KLF8: variants seen among roughly 807,000 people sequenced by gnomAD.
KLF8 encodes KLF transcription factor 8.
KLF8 carries 10 observed loss-of-function variants against 18.2 expected under a neutral mutation model. The observed-to-expected ratio is 0.55, with a 90% CI of 0.34 to 0.93. The LOEUF is 0.93. Among genes scored for constraint, KLF8 ranks in the 40% least tolerant of loss-of-function variants. The probability of loss-of-function intolerance (pLI) is 0.02; values close to 1 mark genes in which losing one functional copy is unlikely to be tolerated. For synonymous variants in KLF8, 109 were observed against 97.3 expected (o/e 1.12, Z -0.71); for missense variants, 264 against 277.9 (o/e 0.95, Z 0.36).
At chrX:56,050,571 T>A in the KLF8 span, among the ~76,000 whole-genome samples, 5 of 112,247 alleles carry the variant, frequency 4.5e-5, no homozygotes, top group East Asian at 2.8e-4. Flanking sequence ...CATGTAGTTG[T>A]GTGGTTTTCA....
chrX:56,247,930 A>C (rs1057295117), intron 1 of KLF8, among the ~76,000 whole-genome samples: 1 of 111,988 alleles, frequency 8.9e-6, no homozygotes, highest in African/African-American at 3.2e-5. Flanking sequence ...TATCATTGTT[A>C]AGTATTACAT....
At chrX:56,028,713 T>G in the KLF8 span, among the ~76,000 whole-genome samples, 39 of 111,473 alleles carry the variant, frequency 3.5e-4, no homozygotes, top group East Asian at 0.011. Context: ...AAGTGTACTG[T>G]GTGGTGACAC....
At chrX:56,087,398 G>C in the KLF8 span, among the ~76,000 whole-genome samples, 3 of 110,183 alleles carry the variant, frequency 2.7e-5, no homozygotes, top group African/African-American at 9.9e-5. Context: ...GTGACTTCTT[G>C]TGACATATGC....
At chrX:56,218,083 A>C in the KLF8 span, among the ~76,000 whole-genome samples, 1 of 111,717 alleles carries the variant, frequency 9.0e-6, no homozygotes, top group Non-Finnish European at 1.9e-5. Flanking sequence ...ACATACCAAC[A>C]GCAGAAAGGA....
chrX:56,091,125 A>G, the KLF8 span, among the ~76,000 whole-genome samples: 1 of 110,977 alleles, frequency 9.0e-6, no homozygotes. Flanking sequence ...TCCAGTTTTA[A>G]TCCCCATAAA....
the KLF8 span, among the ~76,000 whole-genome samples, chrX:56,084,190 G>A: frequency 1.8e-5 from 2 of 110,860 alleles, no homozygotes; most frequent in African/African-American, 6.6e-5. Context: ...AGTCACCTGG[G>A]CAATATAGGG....
chrX:55,951,337 G>T, the KLF8 span, among the ~76,000 whole-genome samples: 1 of 108,864 alleles, frequency 9.2e-6, no homozygotes, highest in East Asian at 2.9e-4. Context: ...TTTGCCAGGT[G>T]TGGTGGGGGG....
At chrX:56,064,076 CAT>C in the KLF8 span, among the ~76,000 whole-genome samples, 5 of 103,919 alleles carry the variant, frequency 4.8e-5, no homozygotes, top group African/African-American at 1.1e-4. Flanking sequence ...TACATATATA[CAT>C]GTGTGTGTAT....
chrX:56,081,395 G>A, the KLF8 span, among the ~76,000 whole-genome samples: 11 of 111,643 alleles, frequency 9.9e-5, no homozygotes, highest in Admixed American at 7.6e-4. Context: ...TGGATCTCTT[G>A]CGATGTTTAT....
the KLF8 span, among the ~76,000 whole-genome samples, chrX:55,983,629 ATT>A: frequency 1.8e-5 from 2 of 112,165 alleles, no homozygotes; most frequent in East Asian, 5.5e-4. Flanking sequence ...TCTTGCCTAA[ATT>A]TTTAAATAAA....
At chrX:55,969,136 A>G in the KLF8 span, among the ~76,000 whole-genome samples, 1 of 111,979 alleles carries the variant, frequency 8.9e-6, no homozygotes, top group African/African-American at 3.2e-5. Flanking sequence ...CATTCAATTG[A>G]ATGGCTGCAG....
the KLF8 span, among the ~76,000 whole-genome samples, chrX:56,177,049 CT>C: frequency 9.0e-6 from 1 of 111,114 alleles, no homozygotes; most frequent in Non-Finnish European, 1.9e-5. Flanking sequence ...TTGGTTAGAA[CT>C]TCCTCTTTAG....
chrX:56,149,746 C>G, the KLF8 span, among the ~76,000 whole-genome samples: 3 of 110,670 alleles, frequency 2.7e-5, no homozygotes, highest in African/African-American at 9.9e-5. Context: ...TCACAAAGGT[C>G]CAGATTTCTG....
At chrX:56,190,095 G>A in the KLF8 span, among the ~76,000 whole-genome samples, 20 of 110,588 alleles carry the variant, frequency 1.8e-4, no homozygotes, top group Non-Finnish European at 2.8e-4. Flanking sequence ...ATCACATTTC[G>A]TCTATAAAGA....
At chrX:55,966,253 G>T in the KLF8 span, among the ~76,000 whole-genome samples, 2 of 112,410 alleles carry the variant, frequency 1.8e-5, no homozygotes, top group African/African-American at 3.2e-5. Context: ...GAGCCCTAGG[G>T]CATTAGGAAA....
chrX:56,193,574 T>C, the KLF8 span, among the ~76,000 whole-genome samples: 1 of 112,408 alleles, frequency 8.9e-6, no homozygotes, highest in Non-Finnish European at 1.9e-5. Flanking sequence ...AATTGAAGTG[T>C]TCATCAACAA....
the KLF8 span, among the ~76,000 whole-genome samples, chrX:55,959,076 C>A: frequency 1.8e-5 from 2 of 112,207 alleles, no homozygotes; most frequent in Non-Finnish European, 3.8e-5. Context: ...TGGTGCTTAA[C>A]CTCAAGGAAG....
intron 3 of KLF8, chrX:56,267,431 G>C (rs1199955699): frequency 1.8e-5 from 2 of 113,724 alleles, no homozygotes; most frequent in African/African-American, 6.5e-5. Flanking sequence ...GATCTCATGA[G>C]ACTTATTCAC....
the KLF8 span, chrX:55,961,610 C>T: frequency 1.0e-4 from 46 of 445,185 alleles, no homozygotes; most frequent in African/African-American, 5.1e-4. Flanking sequence ...TCTGGAACTG[C>T]GACCTTAACG....
Sources: allele counts gnomAD v4.1 joint callset (sites outside exome capture counted in the v4.1 genomes callset), GRCh38; gene constraint gnomAD v4.1.1; transcripts MANE v1.5; gene names NCBI Gene and HGNC (gene_info 2026-07-23, HGNC 2026-07-21).